EHD3: variants seen among roughly 807,000 people sequenced by gnomAD.
The protein encoded by EHD3 is EH domain-containing protein 3.
A neutral mutation model predicts 43.0 loss-of-function variants in EHD3; 17 were observed. That is an observed-to-expected ratio of 0.40 (90% CI 0.27 to 0.59). The LOEUF is 0.59. EHD3 is among the 20% of genes least tolerant of loss of function. The probability of loss-of-function intolerance (pLI) is 0.49; values close to 1 mark genes in which losing one functional copy is unlikely to be tolerated. For missense variants in EHD3, 594 were observed against 705.6 expected (o/e 0.84, Z 1.79); for synonymous variants, 313 against 289.5 (o/e 1.08, Z -0.82).
rs1431827959 is a variant in EHD3, at chr2:31,260,835, G to A, written c.828G>A (p.Gln276=). The A allele has an allele frequency of 1.9e-6, 3 of 1,614,196 alleles. No individual in the cohort carries two copies. Among genetic ancestry groups the A allele is most frequent in the Admixed American group, 1.7e-5 (1 of 60,030 alleles). The change falls in exon 4 of 6, where the codon CAG becomes CAA. Residue 276 remains glutamine (Q), a synonymous_variant. Coordinates refer to ENST00000322054, the MANE Select transcript of EHD3 (RefSeq NM_014600.3). This position sits in a 1 kb window ranked among gnomAD's most constrained non-coding sequence, Gnocchi z 4.6. The stretch of plus-strand genomic sequence containing the variant: ...GGAAGCTCTTTGAGGCTGAGGAACA[G>A]GACCTATTCAGGGACATCCAGAGTC... ...DNRKLFEAEE[Q]DLFRDIQSLP...
chr2:31,246,752 A>G (rs1473271630), intron 2 of EHD3, among the ~76,000 whole-genome samples: 2 of 152,166 alleles, frequency 1.3e-5, no homozygotes, highest in African/African-American at 4.8e-5. Flanking sequence ...GGGGTGGTTT[A>G]CTTTGAGTAA....
chr2:31,237,697 C>T (rs893804309), intron 1 of EHD3, among the ~76,000 whole-genome samples: 1 of 152,200 alleles, frequency 6.6e-6, no homozygotes, highest in African/African-American at 2.4e-5. Context: ...TGAACCACTG[C>T]GTCTGGCCAG....
chr2:31,236,624 C>A (rs1025925902), intron 1 of EHD3, among the ~76,000 whole-genome samples: 1 of 152,178 alleles, frequency 6.6e-6, no homozygotes, highest in Non-Finnish European at 1.5e-5. Context: ...ATGGCCCTTG[C>A]CCTCTCAGCC....
chr2:31,265,382 C>T (rs149130138), intron 5 of EHD3, among the ~76,000 whole-genome samples: 4 of 152,302 alleles, frequency 2.6e-5, no homozygotes, highest in African/African-American at 7.2e-5. Context: ...ACACATAATG[C>T]GTTGTGTTGT....
chr2:31,266,509 G>T lies in EHD3; in HGVS notation c.1413G>T (p.Met471Ile), dbSNP rs1683954370. ...CAGGCGCTAATGCCAAGAAGGAGATGGTGCGCTCCAAGCTGCCCAACAGTG... is the reference window on the plus strand; with the variant it reads ...CAGGCGCTAATGCCAAGAAGGAGATTGTGCGCTCCAAGCTGCCCAACAGTG... ...KITGANAKKE[M>I]VRSKLPNSVL... The change falls in exon 6 of 6, where the codon ATG becomes ATT. Residue 471 changes from methionine (M) to isoleucine (I), a missense_variant. This residue lies in a region of EHD3 where 322 missense variants were observed against 348.0 expected (regional missense o/e 0.93). Transcript: ENST00000322054. The surrounding 1 kb of genome is among the most constrained non-coding windows in gnomAD (Gnocchi z 5.1). 1.9e-6 allele frequency: 3 copies of T among 1,614,158 alleles called. No homozygotes were observed. The highest frequency in any genetic ancestry group is 2.5e-6 in the Non-Finnish European group (3 of 1,180,026).
intron 2 of EHD3, among the ~76,000 whole-genome samples, chr2:31,247,078 G>C (rs1046050618): frequency 6.6e-6 from 1 of 152,104 alleles, no homozygotes; most frequent in African/African-American, 2.4e-5. Context: ...TGTATTTTTA[G>C]TAGAGACAGG....
At position 31,260,724 on chromosome 2, in the gene EHD3, C is replaced by T. The variant is rs1572472381; in HGVS notation, c.717C>T (p.Ser239=). 1 of 1,614,198 alleles carries T rather than the reference C, an allele frequency of 6.2e-7. No homozygotes were observed. Among genetic ancestry groups the T allele is most frequent in the East Asian group, 2.2e-5 (1 of 44,884 alleles). Residue 239 remains serine (S), a synonymous_variant, in exon 4 of 6, where the codon TCC becomes TCT. Coordinates refer to ENST00000322054, the MANE Select transcript of EHD3 (RefSeq NM_014600.3). The surrounding 1 kb of genome is among the most constrained non-coding windows in gnomAD (Gnocchi z 4.6). The part of the protein sequence containing the change: ...LMRVYGALMW[S]LGKIVNTPEV... ...GGGTGTACGGGGCCCTCATGTGGTC[C>T]TTGGGGAAGATCGTGAACACCCCAG...
At chr2:31,261,861 C>T in intron 5 of EHD3, 148 bp downstream of exon 5, 1 of 970,554 alleles carries the variant, frequency 1.0e-6, no homozygotes, top group African/African-American at 1.6e-5. Context: ...GATCTACACT[C>T]CTAGCTGGGC....
At chr2:31,262,071 G>A (rs1398767472) in intron 5 of EHD3, among the ~76,000 whole-genome samples, 1 of 152,182 alleles carries the variant, frequency 6.6e-6, no homozygotes, top group Non-Finnish European at 1.5e-5. Flanking sequence ...GGTTCTCCAG[G>A]CTCTTAAAGT....
At chr2:31,261,364 T>C (rs1209088303) in intron 4 of EHD3, among the ~76,000 whole-genome samples, 185 bp from the exon 5 acceptor site, 2 of 151,790 alleles carry the variant, frequency 1.3e-5, no homozygotes, top group African/African-American at 4.8e-5. Context: ...CCACATAACA[T>C]AGAAAAACAG....
rs1020567469 is a variant in EHD3 at position 31,260,020 on chromosome 2, G to A, written c.503-490G>A. ...GTTCAAGACTCAGCCTGGCTAACAT[G>A]GTTAAACCTGTCTCTACTAAAAACA... On this transcript the variant is annotated intron_variant, in intron 3 of 5. Transcript: ENST00000322054. This position sits in a 1 kb window ranked among gnomAD's most constrained non-coding sequence, Gnocchi z 4.6. Among the ~76,000 whole-genome samples, 1 of 151,882 alleles carries A rather than the reference G, an allele frequency of 6.6e-6. No individual in the cohort carries two copies. Among genetic ancestry groups the A allele is most frequent in the African/African-American group, 2.4e-5 (1 of 41,430 alleles).
At chr2:31,236,707 C>G (rs1201779452) in intron 1 of EHD3, among the ~76,000 whole-genome samples, 53 of 152,300 alleles carry the variant, frequency 3.5e-4, no homozygotes, top group African/African-American at 1.3e-3. Flanking sequence ...TCCTGGTGTA[C>G]AATCATTGAC....
chr2:31,253,461 T>C (rs1398151840), intron 3 of EHD3, among the ~76,000 whole-genome samples: 2 of 152,188 alleles, frequency 1.3e-5, no homozygotes, highest in Non-Finnish European at 1.5e-5. Flanking sequence ...CGAGGGCATC[T>C]AGAACCTGAA....
intron 1 of EHD3, among the ~76,000 whole-genome samples, chr2:31,242,097 G>C (rs148532843): frequency 6.6e-6 from 1 of 152,342 alleles, no homozygotes; most frequent in Non-Finnish European, 1.5e-5. Context: ...CCTCCTTGGG[G>C]ACGGAGCCCA....
rs550267161 is a variant in EHD3 at position 31,234,481 on chromosome 2, C to T, written c.-141C>T. Reference sequence around the variant, plus strand: ...CTCCCGGCCCTCCTAGCCGCGTGCCCGGGCCATGGTGCGGCTGAGCCCCGC... The same window carrying T: ...CTCCCGGCCCTCCTAGCCGCGTGCCTGGGCCATGGTGCGGCTGAGCCCCGC... On this transcript the variant is annotated 5_prime_UTR_variant, in exon 1 of 6. Coordinates refer to ENST00000322054, the MANE Select transcript of EHD3 (RefSeq NM_014600.3). 3.6e-5 allele frequency: 33 copies of T among 919,868 alleles called. No homozygotes were observed. Among genetic ancestry groups the T allele is most frequent in the Non-Finnish European group, 5.0e-5 (31 of 620,948 alleles). 57.0% of individuals were successfully genotyped at this position (919,868 alleles called of 1,614,324 possible).
intron 3 of EHD3, among the ~76,000 whole-genome samples, chr2:31,252,788 G>T (rs150141075): frequency 1.4e-3 from 220 of 152,302 alleles, no homozygotes; most frequent in Middle Eastern, 6.8e-3. Context: ...CTAAGCACCA[G>T]GTCCCCCTAC....
At position 31,260,102 on chromosome 2, in the gene EHD3, G is replaced by A. The variant is rs990596714; in HGVS notation, c.503-408G>A. On this transcript the variant is annotated intron_variant, in intron 3 of 5. Coordinates refer to ENST00000322054, the MANE Select transcript of EHD3 (RefSeq NM_014600.3). This position sits in a 1 kb window ranked among gnomAD's most constrained non-coding sequence, Gnocchi z 4.6. ...TGTAATCCCAGCTACTCGGGAGGCT[G>A]AGGCAGGAAAATCACTTGACCCCAG... is the stretch of plus-strand genomic sequence containing the variant. Among the ~76,000 whole-genome samples the A allele has an allele frequency of 7.2e-5, 11 of 152,266 alleles. No homozygotes were observed. Among genetic ancestry groups the A allele is most frequent in the African/African-American group, 2.6e-4 (11 of 41,554 alleles).
chr2:31,266,660 C>G lies in EHD3; in HGVS notation c.1564C>G (p.Pro522Ala), dbSNP rs1301646139. The G allele has an allele frequency of 3.1e-6, 5 of 1,612,008 alleles. No homozygotes were observed. The highest frequency in any genetic ancestry group is 4.2e-6 in the Non-Finnish European group (5 of 1,178,704). ...GGGGCACGAGCTGCCCAACGAGCTG[C>G]CTGCCCACCTCCTGCCCCCGTCCAA... ...LEGHELPNEL[P>A]AHLLPPSKRK... The change falls in exon 6 of 6, where the codon CCT becomes GCT. Residue 522 changes from proline to alanine, a missense_variant. Physicochemically the swap from Pro to Ala is conservative, Grantham distance 27 (BLOSUM62 -1). Coordinates refer to ENST00000322054, the MANE Select transcript of EHD3 (RefSeq NM_014600.3). The surrounding 1 kb of genome is among the most constrained non-coding windows in gnomAD (Gnocchi z 5.1).
chr2:31,251,969 G>A (rs1326652341), intron 3 of EHD3, among the ~76,000 whole-genome samples: 2 of 152,156 alleles, frequency 1.3e-5, no homozygotes, highest in Admixed American at 6.5e-5. Context: ...CTCCAGGAAG[G>A]CTGGGGAAAG....
Sources: gnomAD v4.1 joint callset for allele counts (sites outside exome capture counted in the v4.1 genomes callset) on GRCh38, gnomAD v4.1.1 for gene constraint, gnomAD v4.1.1 regional missense constraint, Gnocchi (gnomAD v3.1) non-coding constraint, MANE v1.5 for transcripts, NCBI Gene and HGNC (gene_info 2026-07-23, HGNC 2026-07-21) for gene names.